The following CFDP1 variants were observed in gnomAD, a reference collection of about 807,000 sequenced individuals.
CFDP1 encodes chromatin remodeling protein CFDP1.
A neutral mutation model predicts 40.1 loss-of-function variants in CFDP1; 31 were observed. That is an observed-to-expected ratio of 0.77 (90% CI 0.58 to 1.04). The LOEUF (loss-of-function observed/expected upper bound fraction) is 1.04, where lower values mean the gene tolerates loss of function less well. Among genes scored for constraint, CFDP1 ranks in the 50% least tolerant of loss-of-function variants. CFDP1 has a pLI of 0.00. For synonymous variants in CFDP1, 167 were observed against 120.0 expected (o/e 1.39, Z -2.56); for missense variants, 423 against 343.4 (o/e 1.23, Z -1.83).
intron 5 of CFDP1, among the ~76,000 whole-genome samples, chr16:75,335,034 T>C (rs2078476446): frequency 6.6e-6 from 1 of 152,096 alleles, no homozygotes; most frequent in Non-Finnish European, 1.5e-5. Flanking sequence ...ACTGATAGAC[T>C]AAGGGCATGT....
rs34608926 is a variant in CFDP1 at position 75,430,472 on chromosome 16, C to CT, written c.64+2816dup. Among the ~76,000 whole-genome samples, 1,213 of 140,702 alleles carry CT rather than the reference C, an allele frequency of 8.6e-3. 18 individuals are homozygous for CT. The highest frequency in any genetic ancestry group is 0.027 in the African/African-American group (1,056 of 38,504). The allele number at this position is 140,702 out of a possible 152,430, so 92.3% of individuals were successfully genotyped here. A position where few individuals can be genotyped will look rare whatever the true frequency, so the allele number is the denominator to read the frequency against. On this transcript the variant is annotated intron_variant, in intron 1 of 6. Coordinates refer to ENST00000283882, the MANE Select transcript of CFDP1 (RefSeq NM_006324.3). ...AGGTGTGAGCCACCGCACCTGGCCA[C>CT]TTTTTTTTTTTAAATGGAGTCTTGC...
At chr16:75,370,133 C>G (rs2078740986) in intron 5 of CFDP1, among the ~76,000 whole-genome samples, 1 of 150,592 alleles carries the variant, frequency 6.6e-6, no homozygotes, top group Non-Finnish European at 1.5e-5. Flanking sequence ...GCTCTTGTTG[C>G]CCAGGCTGGA....
chr16:75,332,993 A>C (rs549642202), intron 5 of CFDP1, among the ~76,000 whole-genome samples: 8 of 151,808 alleles, frequency 5.3e-5, no homozygotes, highest in Admixed American at 2.0e-4. Context: ...TTTTCAGTAG[A>C]GATGGGGTTT....
Position 75,316,490 on chromosome 16 carries a change from C to T in CFDP1, c.651-11308G>A, listed in dbSNP as rs191273473. Reference sequence around the variant, plus strand: ...GAGGCCAGGGAGGGAGGATCGCTTACGCCTAGGAGTTCAAGACTGTAGTAA... The same window carrying T: ...GAGGCCAGGGAGGGAGGATCGCTTATGCCTAGGAGTTCAAGACTGTAGTAA... On this transcript the variant is annotated intron_variant, in intron 5 of 6. Transcript: ENST00000283882. Among the ~76,000 whole-genome samples, 68 of 146,430 alleles carry T rather than the reference C, an allele frequency of 4.6e-4. No individual in the cohort carries two copies. The East Asian group carries it at 0.013, about 27-fold the overall frequency.
chr16:75,411,743 G>C, intron 4 of CFDP1, 82 bp downstream of exon 4: 1 of 1,315,978 alleles, frequency 7.6e-7, no homozygotes, highest in Non-Finnish European at 1.1e-6. Context: ...GGATTGAAAA[G>C]AGGATAGATG....
chr16:75,313,299 A>G (rs944081834), intron 5 of CFDP1, among the ~76,000 whole-genome samples: 2 of 152,176 alleles, frequency 1.3e-5, no homozygotes, highest in Non-Finnish European at 1.5e-5. Context: ...AGGAAGATGT[A>G]AAAGAACTTG....
intron 4 of CFDP1, among the ~76,000 whole-genome samples, chr16:75,395,427 G>A (rs778010418): frequency 1.2e-4 from 18 of 152,096 alleles, no homozygotes; most frequent in Non-Finnish European, 2.2e-4. Flanking sequence ...TTGGGAGGCC[G>A]AGGCAGGCGG....
intron 1 of CFDP1, among the ~76,000 whole-genome samples, chr16:75,427,839 C>G (rs968679162): frequency 2.6e-5 from 4 of 152,142 alleles, no homozygotes; most frequent in Non-Finnish European, 4.4e-5. Context: ...TTGGAAACAA[C>G]CCAGTGTCTT....
intron 1 of CFDP1, among the ~76,000 whole-genome samples, chr16:75,418,474 A>AT (rs1006229726): frequency 9.3e-5 from 14 of 151,122 alleles, no homozygotes; most frequent in East Asian, 4.0e-4. Flanking sequence ...TGCCTGGCTA[A>AT]TTTTTTTTGT....
intron 5 of CFDP1, among the ~76,000 whole-genome samples, chr16:75,381,530 G>C (rs1298424706): frequency 6.6e-6 from 1 of 152,068 alleles, no homozygotes; most frequent in African/African-American, 2.4e-5. Flanking sequence ...CTACTATTGA[G>C]GAAAATAGTG....
chr16:75,335,412 T>G (rs2078479655), intron 5 of CFDP1, among the ~76,000 whole-genome samples: 1 of 152,146 alleles, frequency 6.6e-6, no homozygotes, highest in Non-Finnish European at 1.5e-5. Context: ...AAATTATTTT[T>G]TCTCCAAGGC....
chr16:75,410,208 A>C (rs1470745409), intron 4 of CFDP1, among the ~76,000 whole-genome samples: 2 of 152,064 alleles, frequency 1.3e-5, no homozygotes, highest in Non-Finnish European at 1.5e-5. Context: ...ATTTTCAGAG[A>C]GCCTACAGGT....
intron 1 of CFDP1, among the ~76,000 whole-genome samples, chr16:75,429,023 G>GC (rs2079376717): frequency 9.3e-6 from 1 of 107,462 alleles, no homozygotes. Flanking sequence ...AGGCTGAGGT[G>GC]GGAGAGTTGC....
chr16:75,324,598 C>T (rs1303229365), intron 5 of CFDP1: 1 of 151,958 alleles, frequency 6.6e-6, no homozygotes, highest in Non-Finnish European at 1.5e-5. Flanking sequence ...AAAAATTAGC[C>T]GGGAGTGGTG....
chr16:75,341,940 T>C (rs1374516734), intron 5 of CFDP1, among the ~76,000 whole-genome samples: 1 of 152,234 alleles, frequency 6.6e-6, no homozygotes, highest in Non-Finnish European at 1.5e-5. Context: ...TTAACTTCCC[T>C]TTCCTGCAAA....
intron 5 of CFDP1, among the ~76,000 whole-genome samples, chr16:75,375,253 C>T (rs1432873532): frequency 6.6e-6 from 1 of 151,832 alleles, no homozygotes; most frequent in Non-Finnish European, 1.5e-5. Context: ...CTAAACACAC[C>T]ACCAAAAAAA....
At chr16:75,427,516 G>A (rs1345274137) in intron 1 of CFDP1, among the ~76,000 whole-genome samples, 1 of 152,112 alleles carries the variant, frequency 6.6e-6, no homozygotes, top group African/African-American at 2.4e-5. Flanking sequence ...CTCCCAAAGT[G>A]GTGGGAATAC....
At chr16:75,310,131 A>C (rs1234631062) in intron 5 of CFDP1, among the ~76,000 whole-genome samples, 1 of 152,222 alleles carries the variant, frequency 6.6e-6, no homozygotes, top group Non-Finnish European at 1.5e-5. Context: ...CCTCCTCCTG[A>C]ACATCACATG....
At chr16:75,315,745 C>T (rs558273696) in intron 5 of CFDP1, among the ~76,000 whole-genome samples, 54 of 152,274 alleles carry the variant, frequency 3.5e-4, no homozygotes, top group Admixed American at 2.2e-3. Context: ...TTCACCTCTA[C>T]ATACCTTTAG....
Sources: gnomAD v4.1 joint callset for allele counts (sites outside exome capture counted in the v4.1 genomes callset) on GRCh38, gnomAD v4.1.1 for gene constraint, MANE v1.5 for transcripts, NCBI Gene and HGNC (gene_info 2026-07-23, HGNC 2026-07-21) for gene names.